Variants in ELP1 observed in about 807,000 individuals in gnomAD.
The protein encoded by ELP1 is elongator acetyltransferase complex subunit 1.
In ELP1, 131 loss-of-function variants were observed where a neutral mutation model predicts 183.2. That is an observed-to-expected ratio of 0.72 (90% CI 0.62 to 0.83). ELP1 has a LOEUF of 0.83. Among genes scored for constraint, ELP1 ranks in the 40% least tolerant of loss-of-function variants. The pLI is 0.00. For synonymous variants in ELP1, 555 were observed against 569.0 expected (o/e 0.98, Z 0.35); for missense variants, 1,550 against 1,594.9 (o/e 0.97, Z 0.48).
Position 108,900,200 on chromosome 9 carries a change from T to C in ELP1, c.2130+60A>G, listed in dbSNP as rs1007552897. On this transcript the variant is annotated intron_variant, in intron 19 of 36. Transcript: ENST00000374647. ...CCTAAAATACAACCTGCAAGAATTATGCTTGGTACTTGGCTGAATGACAAT... is the reference window on the plus strand; with the variant it reads ...CCTAAAATACAACCTGCAAGAATTACGCTTGGTACTTGGCTGAATGACAAT... 4.5e-5 allele frequency: 52 copies of C among 1,165,054 alleles called. No individual in the cohort carries two copies. The African/African-American group carries it at 6.8e-4, about 15-fold the overall frequency. The allele number at this position is 1,165,054 out of a possible 1,614,324, so 72.2% of individuals were successfully genotyped here.
chr9:108,899,142 C>CAA (rs144019669), intron 20 of ELP1, among the ~76,000 whole-genome samples: 17 of 146,694 alleles, frequency 1.2e-4, no homozygotes, highest in Middle Eastern at 3.5e-3. Context: ...ACTGAAAATA[C>CAA]AAAAAAAAAA....
chr9:108,875,223 TAC>T (rs1827662321), intron 35 of ELP1, among the ~76,000 whole-genome samples: 1 of 152,188 alleles, frequency 6.6e-6, no homozygotes, highest in African/African-American at 2.4e-5. Flanking sequence ...AACGAAACTC[TAC>T]AGTGATATAT....
Position 108,929,798 on chromosome 9 carries a change from C to G in ELP1, c.274G>C (p.Val92Leu). The change falls in exon 3 of 37, where the codon GTC becomes CTC. Residue 92 changes from valine to leucine, a missense_variant. Val to Leu is a conservative substitution (Grantham distance 32, BLOSUM62 1). Transcript: ENST00000374647. ...SVCVATASGD[V>L]ILCSLSTQQL... Reference sequence around the variant, plus strand: ...TGTGTGCTGAGACTGCAGAGTATGACGTCTCCAGAGGCTGTGGCCACACAC... The same window carrying G: ...TGTGTGCTGAGACTGCAGAGTATGAGGTCTCCAGAGGCTGTGGCCACACAC... 1 of 1,613,952 alleles carries G rather than the reference C, an allele frequency of 6.2e-7. No homozygotes were observed. Among genetic ancestry groups the G allele is most frequent in the South Asian group, 1.1e-5 (1 of 91,074 alleles).
intron 3 of ELP1, among the ~76,000 whole-genome samples, chr9:108,927,763 A>G (rs1829866089): frequency 6.6e-6 from 1 of 152,222 alleles, no homozygotes; most frequent in Non-Finnish European, 1.5e-5. Context: ...AGATGATTAC[A>G]TTAAGTGAAA....
chr9:108,893,557 C>T (rs1346965039), intron 26 of ELP1, among the ~76,000 whole-genome samples: 7 of 152,182 alleles, frequency 4.6e-5, no homozygotes, highest in East Asian at 1.9e-4. Context: ...ATTAAAACTG[C>T]GTCTTGCAGG....
intron 16 of ELP1, among the ~76,000 whole-genome samples, 163 bp downstream of exon 16, chr9:108,902,676 A>G (rs1374821601): frequency 6.6e-6 from 1 of 152,230 alleles, no homozygotes; most frequent in Non-Finnish European, 1.5e-5. Context: ...CCCATTTTAT[A>G]GATGAATAAG....
intron 16 of ELP1, among the ~76,000 whole-genome samples, chr9:108,902,504 T>C (rs1355330772): frequency 6.6e-6 from 1 of 152,226 alleles, no homozygotes; most frequent in African/African-American, 2.4e-5. Flanking sequence ...CTAGTATGTG[T>C]TGAATAAAAA....
intron 29 of ELP1, among the ~76,000 whole-genome samples, chr9:108,887,169 A>C (rs1165801554): frequency 6.6e-6 from 1 of 152,172 alleles, no homozygotes; most frequent in East Asian, 1.9e-4. Context: ...AGATCACACC[A>C]CTGCACTCCA....
intron 10 of ELP1, among the ~76,000 whole-genome samples, chr9:108,913,634 G>A (rs759367557): frequency 6.6e-6 from 1 of 151,976 alleles, no homozygotes; most frequent in Non-Finnish European, 1.5e-5. Flanking sequence ...TGCAATGTGT[G>A]TGTGTGTGTA....
At chr9:108,910,077 A>G (rs1444478591) in intron 12 of ELP1, among the ~76,000 whole-genome samples, 1 of 152,242 alleles carries the variant, frequency 6.6e-6, no homozygotes, top group East Asian at 1.9e-4. Flanking sequence ...AAAGTGACAT[A>G]TAAACTCATT....
At position 108,895,949 on chromosome 9, in the gene ELP1, C is replaced by T. The variant is rs1183887355; in HGVS notation, c.2736+547G>A. Among the ~76,000 whole-genome samples the T allele has an allele frequency of 2.0e-5, 3 of 152,166 alleles. No individual in the cohort carries two copies. In the East Asian group the frequency reaches 5.8e-4, roughly 29 times the overall value. Reference sequence around the variant, plus strand: ...GAAATTAGCTCACACATATGCCCATCATCTTAAAAATAACCATGTAATTTT... The same window carrying T: ...GAAATTAGCTCACACATATGCCCATTATCTTAAAAATAACCATGTAATTTT... On this transcript the variant is annotated intron_variant, in intron 25 of 36. Coordinates refer to ENST00000374647, the MANE Select transcript of ELP1 (RefSeq NM_003640.5).
Position 108,916,295 on chromosome 9 carries a change from T to G in ELP1, c.867A>C (p.Val289=). The change falls in exon 10 of 37, where the codon GTA becomes GTC. Residue 289 remains valine (V), a splice_region_variant and synonymous_variant. Coordinates refer to ENST00000374647, the MANE Select transcript of ELP1 (RefSeq NM_003640.5). The stretch of plus-strand genomic sequence containing the variant: ...AATCTGCATTCCAGAGCAAGTCATT[T>G]ACCTAGAAGGGAAAAAAGATCTGTC... ...TLPFLKDEVK[V]NDLLWNADSS... 1 of 1,612,670 alleles carries G rather than the reference T, an allele frequency of 6.2e-7. No homozygotes were observed. Among genetic ancestry groups the G allele is most frequent in the Non-Finnish European group, 8.5e-7 (1 of 1,178,604 alleles).
chr9:108,888,546 C>T (rs541139279), intron 29 of ELP1, among the ~76,000 whole-genome samples: 1 of 152,312 alleles, frequency 6.6e-6, no homozygotes, highest in South Asian at 2.1e-4. Flanking sequence ...ATCTTTCCAA[C>T]CCAACCTATC....
intron 36 of ELP1, among the ~76,000 whole-genome samples, chr9:108,871,785 G>A (rs1188427113): frequency 1.3e-5 from 2 of 152,314 alleles, no homozygotes. Flanking sequence ...TAGTTGTATA[G>A]GTATGCCTTT....
Position 108,896,524 on chromosome 9 carries a change from A to C in ELP1, c.2708T>G (p.Val903Gly). 1 of 1,614,168 alleles carries C rather than the reference A, an allele frequency of 6.2e-7. No individual in the cohort carries two copies. Among genetic ancestry groups the C allele is most frequent in the Non-Finnish European group, 8.5e-7 (1 of 1,179,986 alleles). ...HSLGTYDFDLVLMVAEKSQKD... is the reference protein window; with the variant it reads ...HSLGTYDFDLGLMVAEKSQKD... ...CTGTGACTTCTCAGCTACCATGAGGACCAAATCAAAGTCATAGGTGCCAAG... is the reference window on the plus strand; with the variant it reads ...CTGTGACTTCTCAGCTACCATGAGGCCCAAATCAAAGTCATAGGTGCCAAG... Residue 903 changes from valine to glycine, a missense_variant, in exon 25 of 37, where the codon GTC (valine) becomes GGC (glycine). Physicochemically the swap from Val to Gly is moderately radical, Grantham distance 109 (BLOSUM62 -3). Coordinates refer to ENST00000374647, the MANE Select transcript of ELP1 (RefSeq NM_003640.5).
Position 108,880,064 on chromosome 9 carries a change from G to C in ELP1, c.3448C>G (p.Gln1150Glu), listed in dbSNP as rs1328479125. The stretch of plus-strand genomic sequence containing the variant: ...CGCAGATACTCACCCAGACCTGCCT[G>C]CTGGGCTTGCTCCTTGAGCTCTCGA... ...VVRELKEQAQ[Q>E]AGLDDEVPHG... is the part of the protein sequence containing the mutation. Residue 1150 changes from glutamine to glutamate, a missense_variant, in exon 32 of 37, where the codon CAG becomes GAG. Gln to Glu is a conservative substitution (Grantham distance 29, BLOSUM62 2). Transcript: ENST00000374647. 2 of 1,612,380 alleles carry C rather than the reference G, an allele frequency of 1.2e-6. No homozygotes were observed. Among genetic ancestry groups the C allele is most frequent in the African/African-American group, 1.3e-5 (1 of 74,894 alleles).
chr9:108,926,462 G>C (rs2132043562), intron 5 of ELP1, 61 bp downstream of exon 5: 1 of 1,322,590 alleles, frequency 7.6e-7, no homozygotes, highest in Non-Finnish European at 1.1e-6. Flanking sequence ...TAGTGCACAA[G>C]GAAATGGTCA....
chr9:108,876,834 C>A (rs903566683), intron 35 of ELP1, among the ~76,000 whole-genome samples: 1 of 151,414 alleles, frequency 6.6e-6, no homozygotes, highest in East Asian at 1.9e-4. Flanking sequence ...CAGGTTCAAG[C>A]GATTCTCTTG....
chr9:108,924,150 C>T (rs2583075), intron 5 of ELP1, among the ~76,000 whole-genome samples: 2 of 152,154 alleles, frequency 1.3e-5, no homozygotes, highest in Non-Finnish European at 2.9e-5. Context: ...AGAAATGATG[C>T]GGTTACAGCA....
Sources: allele counts gnomAD v4.1 joint callset (sites outside exome capture counted in the v4.1 genomes callset), GRCh38; gene constraint gnomAD v4.1.1; transcripts MANE v1.5; gene names NCBI Gene and HGNC (gene_info 2026-07-23, HGNC 2026-07-21).